Variants in ARFGEF1 observed in about 807,000 individuals in gnomAD.
ARFGEF1 encodes the protein ARF guanine nucleotide exchange factor 1, also known as brefeldin A-inhibited guanine nucleotide-exchange protein 1.
Under a neutral mutation model 231.0 loss-of-function variants are expected in ARFGEF1, and 42 were observed. That is an observed-to-expected ratio of 0.18 (90% CI 0.14 to 0.24). ARFGEF1 has a LOEUF of 0.24. Ranked by LOEUF, ARFGEF1 falls within the 10% of genes least tolerant of loss-of-function variation. The pLI is 1.00. For missense variants in ARFGEF1, 1,345 were observed against 2,192.0 expected (o/e 0.61, Z 7.72); for synonymous variants, 710 against 732.3 (o/e 0.97, Z 0.49).
At chr8:67,314,043 T>C (rs914391680) in intron 1 of ARFGEF1, among the ~76,000 whole-genome samples, 1 of 151,906 alleles carries the variant, frequency 6.6e-6, no homozygotes, top group Admixed American at 6.6e-5. Flanking sequence ...GTCAGCGAAG[T>C]GGGGGAAAGC....
chr8:67,188,278 G>C (rs1185116444), intron 5 of ARFGEF1, among the ~76,000 whole-genome samples: 1 of 152,226 alleles, frequency 6.6e-6, no homozygotes, highest in Non-Finnish European at 1.5e-5. Context: ...GCTACTGAGA[G>C]ACAGGACTAG....
intron 10 of ARFGEF1, among the ~76,000 whole-genome samples, chr8:67,270,562 T>C (rs1805033247): frequency 6.6e-6 from 1 of 151,790 alleles, no homozygotes; most frequent in Admixed American, 6.6e-5. Flanking sequence ...AACATAAAAA[T>C]GAGTATTTCA....
chr8:67,238,179 G>A (rs939025447), intron 22 of ARFGEF1, among the ~76,000 whole-genome samples, 164 bp downstream of exon 22: 9 of 152,218 alleles, frequency 5.9e-5, no homozygotes, highest in Admixed American at 5.9e-4. Context: ...TTGCAAACCA[G>A]ACCAGGCAAA....
At chr8:67,253,706 A>T in intron 17 of ARFGEF1, 84 bp from the exon 18 acceptor site, 1 of 730,044 alleles carries the variant, frequency 1.4e-6, no homozygotes, top group East Asian at 3.2e-5. Flanking sequence ...TTTACATAAG[A>T]GATTTTGTAA....
intron 34 of ARFGEF1, among the ~76,000 whole-genome samples, chr8:67,209,341 G>T (rs1412304882): frequency 6.6e-6 from 1 of 152,198 alleles, no homozygotes; most frequent in East Asian, 1.9e-4. Context: ...GTTGTATTTT[G>T]TATGATTCCA....
At chr8:67,217,757 G>A in intron 32 of ARFGEF1, 25 bp downstream of exon 32, 1 of 1,607,110 alleles carries the variant, frequency 6.2e-7, no homozygotes, top group Non-Finnish European at 8.5e-7. Flanking sequence ...AAATATAAAT[G>A]TAAAGTTGTA....
At chr8:67,190,271 A>C (rs929550139) in intron 5 of ARFGEF1, among the ~76,000 whole-genome samples, 11 of 152,246 alleles carry the variant, frequency 7.2e-5, no homozygotes, top group Admixed American at 7.2e-4. Context: ...TAAACATGGC[A>C]CAGCATAGAT....
At chr8:67,268,145 A>G (rs575096421) in intron 10 of ARFGEF1, among the ~76,000 whole-genome samples, 2 of 152,028 alleles carry the variant, frequency 1.3e-5, no homozygotes, top group South Asian at 4.1e-4. Flanking sequence ...TTTATGAAAC[A>G]TATGCATTAT....
intron 1 of ARFGEF1, among the ~76,000 whole-genome samples, chr8:67,321,205 T>C (rs1179908936): frequency 6.6e-6 from 1 of 152,098 alleles, no homozygotes; most frequent in Admixed American, 6.6e-5. Context: ...GTATCCCAAC[T>C]GTGATAGAAG....
At chr8:67,327,875 A>C (rs1409103312) in intron 1 of ARFGEF1, among the ~76,000 whole-genome samples, 1 of 152,244 alleles carries the variant, frequency 6.6e-6, no homozygotes, top group Non-Finnish European at 1.5e-5. Context: ...CCTTGTATTA[A>C]CACAACATCA....
In ARFGEF1 at chr8:67,231,942, A is replaced by T. The variant is rs183752622; in HGVS notation, c.3380+913T>A. ...ATCTTTCTTCAGTCTTCACAAAAAA[A>T]TAGGCAAATGACTCTCCTCTTAAAA... On this transcript the variant is annotated intron_variant, in intron 23 of 38. Transcript: ENST00000262215. Among the ~76,000 whole-genome samples the T allele has an allele frequency of 3.9e-3, 593 of 152,114 alleles. 2 individuals are homozygous for T. Among genetic ancestry groups the T allele is most frequent in the South Asian group, 1.0e-2 (48 of 4,820 alleles).
intron 5 of ARFGEF1, among the ~76,000 whole-genome samples, chr8:67,192,440 A>T (rs181946349): frequency 6.6e-6 from 1 of 152,280 alleles, no homozygotes; most frequent in Admixed American, 6.5e-5. Context: ...CATTCTCACT[A>T]CAAGTCTAGT....
chr8:67,304,731 A>G (rs1806657202), intron 1 of ARFGEF1, among the ~76,000 whole-genome samples: 1 of 152,216 alleles, frequency 6.6e-6, no homozygotes, highest in African/African-American at 2.4e-5. Context: ...AGGCACAGGA[A>G]TCGCTTGAAC....
At chr8:67,183,984 T>C (rs752267450) in intron 5 of ARFGEF1, among the ~76,000 whole-genome samples, 6 of 151,564 alleles carry the variant, frequency 4.0e-5, no homozygotes, top group Non-Finnish European at 7.4e-5. Flanking sequence ...TCCCAAGTAG[T>C]TGGGATTACA....
At chr8:67,260,188 A>AT (rs1017451019) in intron 14 of ARFGEF1, among the ~76,000 whole-genome samples, 2 of 152,160 alleles carry the variant, frequency 1.3e-5, no homozygotes, top group Admixed American at 6.5e-5. Context: ...AGTATGAAGT[A>AT]TTTTTTTATC....
At chr8:67,283,845 G>A (rs1460492387) in intron 7 of ARFGEF1, among the ~76,000 whole-genome samples, 1 of 152,140 alleles carries the variant, frequency 6.6e-6, no homozygotes, top group Admixed American at 6.6e-5. Context: ...ACTACCAGCT[G>A]TGGAGAGAAA....
chr8:67,193,714 T>G, downstream of ARFGEF1: 1 of 921,670 alleles, frequency 1.1e-6, no homozygotes, highest in South Asian at 1.7e-5. Context: ...TTTGAAGACC[T>G]TTGAGTTGTA....
intron 10 of ARFGEF1, among the ~76,000 whole-genome samples, chr8:67,270,729 A>AAC (rs1195877934): frequency 1.3e-5 from 2 of 150,732 alleles, no homozygotes; most frequent in Admixed American, 6.6e-5. Context: ...AAAAAAAAAA[A>AAC]AAAAACCACA....
At chr8:67,298,917 C>A (rs1376281010) in intron 4 of ARFGEF1, among the ~76,000 whole-genome samples, 1 of 152,102 alleles carries the variant, frequency 6.6e-6, no homozygotes, top group African/African-American at 2.4e-5. Context: ...AGGTGCCCAC[C>A]ATCATGCCCA....
Sources: gnomAD v4.1 joint callset for allele counts (sites outside exome capture counted in the v4.1 genomes callset) on GRCh38, gnomAD v4.1.1 for gene constraint, MANE v1.5 for transcripts, NCBI Gene and HGNC (gene_info 2026-07-23, HGNC 2026-07-21) for gene names.